The following STK32A variants were observed in gnomAD, a reference collection of about 807,000 sequenced individuals.
The protein encoded by STK32A is serine/threonine kinase 32A, also known as serine/threonine-protein kinase 32A.
STK32A carries 41 observed loss-of-function variants against 53.2 expected under a neutral mutation model. The observed-to-expected ratio is 0.77, with a 90% CI of 0.60 to 1.00. The LOEUF (loss-of-function observed/expected upper bound fraction) is 1.00. STK32A is among the 50% of genes least tolerant of loss of function. The pLI is 0.00. For missense variants in STK32A, 458 were observed against 485.8 expected, an observed-to-expected ratio of 0.94 and a Z score of 0.54; for synonymous variants, 166 against 162.8, an observed-to-expected ratio of 1.02 and a Z score of -0.15.
At chr5:147,321,170 G>A (rs750250240) in intron 4 of STK32A, among the ~76,000 whole-genome samples, 1 of 152,128 alleles carries the variant, frequency 6.6e-6, no homozygotes, top group Non-Finnish European at 1.5e-5. Context: ...TGGAGCTGTC[G>A]ACTAACAAAT....
intron 4 of STK32A, among the ~76,000 whole-genome samples, chr5:147,299,198 G>A (rs1398372384): frequency 1.3e-5 from 2 of 152,028 alleles, no homozygotes; most frequent in African/African-American, 4.8e-5. Context: ...TGCCAAACAA[G>A]GGGTGGATTA....
chr5:147,375,155 A>C lies in STK32A; in HGVS notation c.969A>C (p.Leu323=). 2.5e-6 allele frequency: 4 copies of C among 1,610,520 alleles called. No homozygotes were observed. Among genetic ancestry groups the C allele is most frequent in the Non-Finnish European group, 3.4e-6 (4 of 1,178,392 alleles). ...LEEMILESKP[L]HKKKKRLAKK... The stretch of plus-strand genomic sequence containing the variant: ...AAATGATTTTGGAGTCCAAACCTCT[A>C]CATAAGAAAAAAAAGCGTCTGGCAA... Residue 323 remains leucine, a synonymous_variant, in exon 11 of 13, where the codon CTA becomes CTC. Coordinates refer to ENST00000397936, the MANE Select transcript of STK32A (RefSeq NM_001112724.2).
intron 4 of STK32A, among the ~76,000 whole-genome samples, chr5:147,291,858 G>A (rs756042075): frequency 2.0e-4 from 31 of 152,102 alleles, no homozygotes; most frequent in Non-Finnish European, 4.0e-4. Context: ...ATAAGCTTTA[G>A]TATTATATTT....
chr5:147,381,054 C>T (rs1162791444), intron 11 of STK32A, among the ~76,000 whole-genome samples: 3 of 152,100 alleles, frequency 2.0e-5, no homozygotes, highest in Non-Finnish European at 4.4e-5. Flanking sequence ...TTCATTTCAC[C>T]TTGCAGGACT....
At chr5:147,332,849 G>T (rs995374397) in intron 5 of STK32A, among the ~76,000 whole-genome samples, 6 of 152,154 alleles carry the variant, frequency 3.9e-5, no homozygotes, top group African/African-American at 1.4e-4. Flanking sequence ...TGCCTTCTTT[G>T]TGTTGTATGC....
chr5:147,398,932 G>A, the STK32A span: 10,415 of 1,111,324 alleles, frequency 9.4e-3, 694 homozygotes, highest in East Asian at 0.17. Context: ...CACAGTTGAG[G>A]TTTTGAGCCA....
chr5:147,299,305 G>A (rs765575228), intron 4 of STK32A, among the ~76,000 whole-genome samples: 20 of 152,020 alleles, frequency 1.3e-4, no homozygotes, highest in East Asian at 5.8e-4. Context: ...CATTGAGGAC[G>A]ACCAGAGATC....
At chr5:147,354,427 G>A (rs1756126480) in intron 7 of STK32A, among the ~76,000 whole-genome samples, 1 of 152,128 alleles carries the variant, frequency 6.6e-6, no homozygotes, top group South Asian at 2.1e-4. Flanking sequence ...GTGGTTTTAA[G>A]TACAATATCT....
chr5:147,400,417 C>T, the STK32A span, among the ~76,000 whole-genome samples: 1 of 152,200 alleles, frequency 6.6e-6, no homozygotes, highest in African/African-American at 2.4e-5. Context: ...TAAGTACAGG[C>T]TATTCGTACA....
intron 7 of STK32A, among the ~76,000 whole-genome samples, chr5:147,358,080 T>C (rs1248954153): frequency 6.6e-6 from 1 of 152,088 alleles, no homozygotes; most frequent in Non-Finnish European, 1.5e-5. Flanking sequence ...TATAGATTAG[T>C]GTTGGGTCCC....
At chr5:147,375,246 T>C (rs1460182334) in intron 11 of STK32A, 28 bp downstream of exon 11, 1 of 1,605,366 alleles carries the variant, frequency 6.2e-7, no homozygotes, top group Non-Finnish European at 8.5e-7. Context: ...AAACTCAGGG[T>C]CATGGGTATC....
At chr5:147,342,773 C>T (rs1431624909) in intron 5 of STK32A, 1 of 511,176 alleles carries the variant, frequency 2.0e-6, no homozygotes, top group Admixed American at 3.4e-5. Context: ...GTTCAGAGCC[C>T]ATTTCTTCCA....
intron 4 of STK32A, among the ~76,000 whole-genome samples, chr5:147,322,027 A>C (rs1181438685): frequency 6.6e-6 from 1 of 152,222 alleles, no homozygotes; most frequent in Non-Finnish European, 1.5e-5. Flanking sequence ...AGATATGATT[A>C]CAGTTTCACC....
At chr5:147,318,422 A>G (rs1274745703) in intron 4 of STK32A, among the ~76,000 whole-genome samples, 2 of 152,040 alleles carry the variant, frequency 1.3e-5, no homozygotes, top group African/African-American at 4.8e-5. Flanking sequence ...CCTTATATGT[A>G]TATCTTGGCA....
At chr5:147,375,313 T>C (rs578216307) in intron 11 of STK32A, 95 bp downstream of exon 11, 1 of 1,448,776 alleles carries the variant, frequency 6.9e-7, no homozygotes, top group Non-Finnish European at 9.2e-7. Context: ...TTCAGCTTCC[T>C]GCTTTTGCTG....
In STK32A at chr5:147,262,155, A is replaced by C. The variant is rs1024946226; in HGVS notation, c.53-15969A>C. On this transcript the variant is annotated intron_variant, in intron 2 of 12. Coordinates refer to ENST00000397936, the MANE Select transcript of STK32A (RefSeq NM_001112724.2). Reference sequence around the variant, plus strand: ...AGCAGATACTGAGATTCAGCAAGTGAGAAAACCTGTCCTGGTTCACACAGC... The same window carrying C: ...AGCAGATACTGAGATTCAGCAAGTGCGAAAACCTGTCCTGGTTCACACAGC... 5.9e-5 allele frequency among the ~76,000 whole-genome samples: 9 copies of C among 152,276 alleles called. No individual in the cohort carries two copies. In the East Asian group the frequency reaches 1.7e-3, roughly 29 times the overall value.
chr5:147,298,734 A>C (rs1752986033), intron 4 of STK32A, among the ~76,000 whole-genome samples: 1 of 152,218 alleles, frequency 6.6e-6, no homozygotes. Flanking sequence ...AAGGTTACAA[A>C]CTCTAATGAA....
At chr5:147,372,630 T>C (rs1581149842) in intron 9 of STK32A, among the ~76,000 whole-genome samples, 1 of 152,218 alleles carries the variant, frequency 6.6e-6, no homozygotes, top group East Asian at 1.9e-4. Flanking sequence ...GGCAAAAATC[T>C]TTTATCTCAA....
intron 7 of STK32A, among the ~76,000 whole-genome samples, chr5:147,354,338 A>C (rs571905604): frequency 1.3e-5 from 2 of 152,330 alleles, no homozygotes; most frequent in East Asian, 3.9e-4. Flanking sequence ...ACCAAATCAG[A>C]AAATGTGCAT....
Sources: gnomAD v4.1 joint callset for allele counts (sites outside exome capture counted in the v4.1 genomes callset) on GRCh38, gnomAD v4.1.1 for gene constraint, MANE v1.5 for transcripts, NCBI Gene and HGNC (gene_info 2026-07-23, HGNC 2026-07-21) for gene names.